The following NUDT6 variants were observed in gnomAD, a reference collection of about 807,000 sequenced individuals.
NUDT6 encodes the protein FAD diphosphatase NUDT6.
In NUDT6, 24 loss-of-function variants were observed where a neutral mutation model predicts 36.8. That is an observed-to-expected ratio of 0.65 (90% CI 0.47 to 0.92). The LOEUF (loss-of-function observed/expected upper bound fraction) is 0.92. NUDT6 is among the 40% of genes least tolerant of loss of function. The pLI is 0.00. For missense variants in NUDT6, 388 were observed against 392.8 expected, an observed-to-expected ratio of 0.99 and a Z score of 0.10; for synonymous variants, 163 against 157.0, an observed-to-expected ratio of 1.04 and a Z score of -0.29.
At chr4:122,921,216 C>A (rs1028392141) in intron 1 of NUDT6, 1 of 152,222 alleles carries the variant, frequency 6.6e-6, no homozygotes, top group Non-Finnish European at 1.5e-5. Context: ...AACTCCAGTT[C>A]TCGCTGAGAC....
intron 3 of NUDT6, among the ~76,000 whole-genome samples, chr4:122,904,344 G>C (rs181706412): frequency 3.3e-4 from 50 of 152,228 alleles, no homozygotes; most frequent in Admixed American, 3.3e-3. Flanking sequence ...ATTCCTTATA[G>C]AGTACTCTTA....
At chr4:122,913,414 T>G (rs1431736099) in intron 2 of NUDT6, 2 of 152,132 alleles carry the variant, frequency 1.3e-5, no homozygotes, top group African/African-American at 4.8e-5. Flanking sequence ...AGGCCCCACC[T>G]CTTAATACCA....
intron 3 of NUDT6, among the ~76,000 whole-genome samples, chr4:122,901,308 A>G (rs1158484931): frequency 6.6e-6 from 1 of 152,190 alleles, no homozygotes; most frequent in East Asian, 1.9e-4. Context: ...TGATTTTCAC[A>G]TACTACAAAA....
chr4:122,916,312 T>C (rs1264508329), intron 2 of NUDT6, among the ~76,000 whole-genome samples: 1 of 152,204 alleles, frequency 6.6e-6, no homozygotes, highest in Non-Finnish European at 1.5e-5. Flanking sequence ...TCAACTTTCC[T>C]ATGTCTCTGA....
Position 122,893,015 on chromosome 4 carries a change from G to A in NUDT6, c.764C>T (p.Ala255Val), listed in dbSNP as rs138619142. The A allele has an allele frequency of 1.6e-4, 256 of 1,614,068 alleles. No homozygotes were observed. In the African/African-American group the frequency reaches 2.8e-3, roughly 17 times the overall value. ...GATGGGAGTTGTATTTTCAGTCTTC[G>A]CCAGGTCATTGAGATCCATCCACTC... ...RCEWMDLNDLAKTENTTPITS... is the reference protein window; with the variant it reads ...RCEWMDLNDLVKTENTTPITS... The change falls in exon 5 of 5, where the codon GCG becomes GTG. Residue 255 changes from alanine (A) to valine (V), a missense_variant. Coordinates refer to ENST00000304430, the MANE Select transcript of NUDT6 (RefSeq NM_007083.5).
chr4:122,922,755 C>T (rs1318452007), upstream of NUDT6: 2 of 601,146 alleles, frequency 3.3e-6, no homozygotes, highest in Non-Finnish European at 2.9e-6. Context: ...GCAATTTGCC[C>T]CGCTCCAGTT....
intron 2 of NUDT6, among the ~76,000 whole-genome samples, chr4:122,915,469 C>CAAAAAAAAA (rs61032259): frequency 7.1e-4 from 30 of 42,250 alleles, no homozygotes; most frequent in African/African-American, 1.9e-3. Context: ...GACCCTGCCT[C>CAAAAAAAAA]AAAAAAAAAA....
chr4:122,894,823 T>A (rs1256236795), intron 4 of NUDT6: 1 of 152,198 alleles, frequency 6.6e-6, no homozygotes, highest in Admixed American at 6.5e-5. Context: ...AAATTTGATA[T>A]AACATCTCCT....
chr4:122,913,670 A>G (rs1201927878), intron 2 of NUDT6, among the ~76,000 whole-genome samples: 1 of 152,120 alleles, frequency 6.6e-6, no homozygotes, highest in Non-Finnish European at 1.5e-5. Flanking sequence ...TTTATAATCT[A>G]CTAATATACT....
chr4:122,898,570 G>T (rs1418273541), intron 3 of NUDT6, among the ~76,000 whole-genome samples: 1 of 152,122 alleles, frequency 6.6e-6, no homozygotes, highest in African/African-American at 2.4e-5. Context: ...TTTCCTGGAT[G>T]AATGCTTCTT....
At chr4:122,916,426 A>G (rs1025328992) in intron 2 of NUDT6, among the ~76,000 whole-genome samples, 4 of 152,240 alleles carry the variant, frequency 2.6e-5, no homozygotes, top group African/African-American at 9.6e-5. Context: ...AATTGTTCAA[A>G]TCATTGAAAA....
chr4:122,917,396 A>C (rs780452999), intron 2 of NUDT6, 105 bp downstream of exon 2: 88 of 1,002,520 alleles, frequency 8.8e-5, no homozygotes, highest in Non-Finnish European at 1.3e-4. Flanking sequence ...CATTTAATCA[A>C]ATAACTCATT....
intron 3 of NUDT6, among the ~76,000 whole-genome samples, chr4:122,910,555 C>T (rs13109611): frequency 0.016 from 2,383 of 151,956 alleles, 33 homozygotes; most frequent in Non-Finnish European, 0.025. Flanking sequence ...TGTTAAAGTC[C>T]ATAATGAAAT....
intron 1 of NUDT6, 42 bp from the exon 2 acceptor site, chr4:122,917,746 C>T (rs752506152): frequency 1.3e-5 from 20 of 1,580,662 alleles, no homozygotes; most frequent in East Asian, 4.5e-5. Flanking sequence ...TCCAAAGAGA[C>T]GAGTGGAATA....
At chr4:122,921,619 C>CAAACAAACAAACAAAA (rs1491439818) in intron 1 of NUDT6, 23 of 48,042 alleles carry the variant, frequency 4.8e-4, no homozygotes, top group African/African-American at 1.1e-3. Flanking sequence ...AAAAAAAAAA[C>CAAACAAACAAACAAAA]AAACTGTACA....
upstream of NUDT6, chr4:122,922,640 G>T: frequency 1.5e-6 from 2 of 1,369,306 alleles, no homozygotes; most frequent in Non-Finnish European, 2.0e-6. Flanking sequence ...GATCGCGGCC[G>T]TACATTTTAG....
Position 122,917,573 on chromosome 4 carries a change from T to G in NUDT6, c.370A>C (p.Thr124Pro). The G allele has an allele frequency of 1.2e-6, 2 of 1,614,202 alleles. No individual in the cohort carries two copies. Among genetic ancestry groups the G allele is most frequent in the Non-Finnish European group, 1.7e-6 (2 of 1,180,032 alleles). The change falls in exon 2 of 5, where the codon ACG (threonine) becomes CCG (proline). Residue 124 changes from threonine to proline, a missense_variant. Coordinates refer to ENST00000304430, the MANE Select transcript of NUDT6 (RefSeq NM_007083.5). ...CCTTCTCTCAGCCACAGAGTCAACG[T>G]TGATGAATCCGATTCTGCGTGGTGA... The part of the protein sequence containing the change: ...CFHHAESDSS[T>P]LTLWLREGPS...
intron 1 of NUDT6, chr4:122,921,144 T>C (rs1245579888): frequency 2.6e-5 from 4 of 152,188 alleles, no homozygotes; most frequent in African/African-American, 4.8e-5. Context: ...AGTTTTCTTA[T>C]TGAAGACTGA....
Position 122,910,593 on chromosome 4 carries a change from C to A in NUDT6, c.498+1975G>T, listed in dbSNP as rs182506539. On this transcript the variant is annotated intron_variant, in intron 3 of 4. Transcript: ENST00000304430. ...TATTTGACAAAATCACTTCTGAAAC[C>A]CAGTGTGCTATTTAAAAAACCTTCA... Among the ~76,000 whole-genome samples, 471 of 152,142 alleles carry A rather than the reference C, an allele frequency of 3.1e-3. 2 individuals are homozygous for A. The highest frequency in any genetic ancestry group is 0.011 in the African/African-American group (450 of 41,512).
Sources: gnomAD v4.1 joint callset for allele counts (sites outside exome capture counted in the v4.1 genomes callset) on GRCh38, gnomAD v4.1.1 for gene constraint, MANE v1.5 for transcripts, NCBI Gene and HGNC (gene_info 2026-07-23, HGNC 2026-07-21) for gene names.